The following GULP1 variants were observed in gnomAD, a reference collection of about 807,000 sequenced individuals.
GULP1 encodes GULP PTB domain containing engulfment adaptor 1, also known as PTB domain-containing engulfment adapter protein 1.
In GULP1, 19 loss-of-function variants were observed where a neutral mutation model predicts 40.9. That is an observed-to-expected ratio of 0.46 (90% CI 0.32 to 0.68). GULP1 has a LOEUF of 0.68. Among genes scored for constraint, GULP1 ranks in the 30% least tolerant of loss-of-function variants. The pLI, the probability that GULP1 is intolerant of heterozygous loss-of-function variation, is 0.03. For synonymous variants in GULP1, 119 were observed against 117.6 expected (o/e 1.01, Z -0.08); for missense variants, 312 against 362.2 (o/e 0.86, Z 1.12).
At chr2:188,366,588 CTTTTTTTTTTTTTTT>C (rs34745549) in intron 1 of GULP1, among the ~76,000 whole-genome samples, 119 of 84,084 alleles carry the variant, frequency 1.4e-3, no homozygotes, top group Non-Finnish European at 2.0e-3. Flanking sequence ...CAGTTACTTT[CTTTTTTTTTTTTTTT>C]TTTTTTTGAG....
intron 2 of GULP1, among the ~76,000 whole-genome samples, chr2:188,455,961 A>G (rs2059223283): frequency 6.6e-6 from 1 of 152,182 alleles, no homozygotes; most frequent in African/African-American, 2.4e-5. Flanking sequence ...TTTAGCAAAG[A>G]GACTGGTGGC....
At chr2:188,339,129 G>A (rs898776286) in intron 1 of GULP1, among the ~76,000 whole-genome samples, 2 of 152,140 alleles carry the variant, frequency 1.3e-5, no homozygotes, top group African/African-American at 4.8e-5. Flanking sequence ...TAGAAGACAT[G>A]AGGTACTCTT....
At chr2:188,537,146 C>T (rs188655403) in intron 6 of GULP1, among the ~76,000 whole-genome samples, 47 of 151,884 alleles carry the variant, frequency 3.1e-4, no homozygotes, top group African/African-American at 9.2e-4. Flanking sequence ...GATAGTTTGA[C>T]TTATTATTTT....
chr2:188,453,345 G>A (rs2152926804), intron 2 of GULP1, among the ~76,000 whole-genome samples: 1 of 152,148 alleles, frequency 6.6e-6, no homozygotes, highest in Non-Finnish European at 1.5e-5. Context: ...TTCTGTAAAA[G>A]TGTTTTATCC....
intron 2 of GULP1, among the ~76,000 whole-genome samples, chr2:188,452,914 CA>C (rs1321412638): frequency 6.6e-6 from 1 of 152,052 alleles, no homozygotes; most frequent in African/African-American, 2.4e-5. Context: ...GCAGAAATAT[CA>C]AATACACTTT....
chr2:188,418,782 T>C (rs1306915977), intron 2 of GULP1, among the ~76,000 whole-genome samples: 2 of 152,256 alleles, frequency 1.3e-5, no homozygotes, highest in Non-Finnish European at 2.9e-5. Context: ...TGTAATACAT[T>C]ATTGTTGACT....
At chr2:188,495,068 T>C (rs2062773516) in intron 4 of GULP1, among the ~76,000 whole-genome samples, 1 of 152,078 alleles carries the variant, frequency 6.6e-6, no homozygotes, top group African/African-American at 2.4e-5. Flanking sequence ...TAGTTGTCAG[T>C]ATGTATGCTT....
At chr2:188,491,060 A>G (rs958411018) in intron 4 of GULP1, among the ~76,000 whole-genome samples, 7 of 152,024 alleles carry the variant, frequency 4.6e-5, no homozygotes, top group African/African-American at 1.7e-4. Context: ...GACCTCCCAA[A>G]GTGCTGGGAT....
At chr2:188,423,375 A>G (rs766884771) in intron 2 of GULP1, among the ~76,000 whole-genome samples, 1 of 152,018 alleles carries the variant, frequency 6.6e-6, no homozygotes, top group Non-Finnish European at 1.5e-5. Context: ...TTCCTAGGCA[A>G]TATAGGTAAT....
chr2:188,577,652 A>G (rs1020023995), intron 9 of GULP1, among the ~76,000 whole-genome samples: 1 of 152,116 alleles, frequency 6.6e-6, no homozygotes, highest in Non-Finnish European at 1.5e-5. Flanking sequence ...TGGTACAATT[A>G]TATCCATTTA....
chr2:188,297,327 A>G (rs1008603440), intron 1 of GULP1, among the ~76,000 whole-genome samples: 4 of 152,072 alleles, frequency 2.6e-5, no homozygotes, highest in African/African-American at 9.7e-5. Context: ...AAGCACATGT[A>G]CAGTTAACTA....
intron 1 of GULP1, among the ~76,000 whole-genome samples, chr2:188,341,797 A>G (rs1405090030): frequency 2.0e-5 from 3 of 152,208 alleles, no homozygotes; most frequent in Non-Finnish European, 4.4e-5. Context: ...TGAGATAGGA[A>G]ATTATGGCTC....
At chr2:188,467,299 T>A (rs2060208154) in intron 2 of GULP1, among the ~76,000 whole-genome samples, 2 of 152,310 alleles carry the variant, frequency 1.3e-5, no homozygotes, top group South Asian at 4.1e-4. Flanking sequence ...TGTTGCATAT[T>A]TTCTCTCTGC....
At chr2:188,422,506 A>G (rs1559223442) in intron 2 of GULP1, among the ~76,000 whole-genome samples, 1 of 151,664 alleles carries the variant, frequency 6.6e-6, no homozygotes. Context: ...GAAATTTGAT[A>G]TTTGATTTAC....
chr2:188,535,428 G>A (rs1688680586), intron 6 of GULP1, among the ~76,000 whole-genome samples: 1 of 152,214 alleles, frequency 6.6e-6, no homozygotes, highest in African/African-American at 2.4e-5. Flanking sequence ...TTATAAGTGA[G>A]AATATGCAGT....
intron 2 of GULP1, among the ~76,000 whole-genome samples, chr2:188,418,884 C>T (rs2054962203): frequency 6.6e-6 from 1 of 152,130 alleles, no homozygotes; most frequent in Admixed American, 6.5e-5. Flanking sequence ...CCCCATTTCT[C>T]CTCCTGCAGG....
At chr2:188,514,068 TGTGTGTGTGTGTGTGC>T (rs1249802987) in intron 4 of GULP1, among the ~76,000 whole-genome samples, 1 of 150,830 alleles carries the variant, frequency 6.6e-6, no homozygotes, top group Non-Finnish European at 1.5e-5. Context: ...TGTGTGTGTG[TGTGTGTGTGTGTGTGC>T]GCCCTGCCAC....
intron 2 of GULP1, among the ~76,000 whole-genome samples, chr2:188,440,941 T>C (rs958634680): frequency 2.6e-5 from 4 of 152,142 alleles, no homozygotes; most frequent in African/African-American, 4.8e-5. Context: ...TATTCTCAGC[T>C]CAGAATGCTG....
At chr2:188,480,340 A>G (rs906306885) in intron 3 of GULP1, among the ~76,000 whole-genome samples, 2 of 151,980 alleles carry the variant, frequency 1.3e-5, no homozygotes, top group African/African-American at 4.8e-5. Context: ...GTAAAAGCTT[A>G]TCTCTTTATT....
Sources: allele counts gnomAD v4.1 joint callset (sites outside exome capture counted in the v4.1 genomes callset), GRCh38; gene constraint gnomAD v4.1.1; transcripts MANE v1.5; gene names NCBI Gene and HGNC (gene_info 2026-07-23, HGNC 2026-07-21).